RFC1: variants seen among roughly 807,000 people sequenced by gnomAD.
The protein encoded by RFC1 is replication factor C subunit 1, also known as A1 140 kDa subunit.
A neutral mutation model predicts 137.4 loss-of-function variants in RFC1; 37 were observed. The observed-to-expected ratio is 0.27, with a 90% CI of 0.21 to 0.35. The LOEUF is 0.35. Ranked by LOEUF, RFC1 falls within the 10% of genes least tolerant of loss-of-function variation. The probability of loss-of-function intolerance (pLI) is 1.00; values close to 1 mark genes in which losing one functional copy is unlikely to be tolerated. For synonymous variants in RFC1, 429 were observed against 455.7 expected, an observed-to-expected ratio of 0.94 and a Z score of 0.75; for missense variants, 1,205 against 1,358.5, an observed-to-expected ratio of 0.89 and a Z score of 1.78.
intron 22 of RFC1, among the ~76,000 whole-genome samples, chr4:39,292,289 A>G (rs1361895441): frequency 6.6e-6 from 1 of 152,212 alleles, no homozygotes; most frequent in Non-Finnish European, 1.5e-5. Context: ...AAAATCATAT[A>G]TGAATGCTTC....
intron 3 of RFC1, among the ~76,000 whole-genome samples, chr4:39,343,715 A>C (rs1337942166): frequency 6.6e-6 from 1 of 152,214 alleles, no homozygotes; most frequent in Non-Finnish European, 1.5e-5. Context: ...AGAGCAATAA[A>C]AGGCACAGAG....
At chr4:39,295,824 T>G in intron 21 of RFC1, 65 bp from the exon 22 acceptor site, 2 of 1,478,576 alleles carry the variant, frequency 1.4e-6, no homozygotes, top group Non-Finnish European at 9.3e-7. Flanking sequence ...TTAATAGTCA[T>G]TGGCTTCCAA....
At chr4:39,333,949 G>T (rs1026914799) in intron 4 of RFC1, among the ~76,000 whole-genome samples, 4 of 152,150 alleles carry the variant, frequency 2.6e-5, no homozygotes, top group Middle Eastern at 3.4e-3. Flanking sequence ...TAAACAAAAA[G>T]TGCAAATAAG....
At chr4:39,323,124 GT>G (rs904039494) in intron 7 of RFC1, 263 of 351,246 alleles carry the variant, frequency 7.5e-4, no homozygotes, top group Non-Finnish European at 1.2e-3. Context: ...ATAATTCTTT[GT>G]TTTGTGATAA....
In RFC1 at chr4:39,308,632, T is replaced by C; in HGVS notation, c.1885+4A>G. ...CACAAAAATGAGTGAGGTTGTAAAA[T>C]CACCGTGTTTTTTATCTTCGGAAGA... On this transcript the variant is annotated splice_donor_region_variant and intron_variant, in intron 13 of 24. Coordinates refer to ENST00000349703, the MANE Select transcript of RFC1 (RefSeq NM_002913.5). 6.2e-7 allele frequency: 1 copy of C among 1,605,914 alleles called. No homozygotes were observed. Among genetic ancestry groups the C allele is most frequent in the Non-Finnish European group, 8.5e-7 (1 of 1,174,600 alleles).
intron 4 of RFC1, among the ~76,000 whole-genome samples, chr4:39,331,983 C>T (rs964100796): frequency 2.0e-5 from 3 of 152,036 alleles, no homozygotes; most frequent in African/African-American, 7.2e-5. Context: ...GCGCTGTTCT[C>T]GTGATAGTGA....
At chr4:39,299,405 C>T (rs1294909374) in intron 21 of RFC1, among the ~76,000 whole-genome samples, 2 of 151,762 alleles carry the variant, frequency 1.3e-5, no homozygotes, top group South Asian at 2.1e-4. Context: ...AGGGTCTCCC[C>T]GACTGAGCTG....
At chr4:39,303,793 T>C (rs544130318) in intron 15 of RFC1, among the ~76,000 whole-genome samples, 87 of 152,366 alleles carry the variant, frequency 5.7e-4, no homozygotes, top group African/African-American at 2.1e-3. Context: ...TCATTCTTTA[T>C]CTTACAGATA....
Position 39,302,324 on chromosome 4 carries a change from T to C in RFC1, c.2489A>G (p.Asp830Gly), listed in dbSNP as rs1234716742. ...WCARSKALTYDQAKADSHRAK... is the reference protein window; with the variant it reads ...WCARSKALTYGQAKADSHRAK... ...TCTGTGAGAATCAGCTTTGGCCTGG[T>C]CATAGGTTAATGCTTTACTTCGTGC... The change falls in exon 19 of 25, where the codon GAC (aspartate) becomes GGC (glycine). Residue 830 changes from aspartate (D) to glycine (G), a missense_variant. Around this residue, in one of 3 missense-constraint regions of RFC1, gnomAD observed 962 missense variants for 1,035.3 expected, o/e 0.93. Transcript: ENST00000349703. 1.2e-6 allele frequency: 2 copies of C among 1,613,456 alleles called. No individual in the cohort carries two copies. Among genetic ancestry groups the C allele is most frequent in the Admixed American group, 1.7e-5 (1 of 60,030 alleles).
chr4:39,365,349 G>T, intron 1 of RFC1: 7 of 464,356 alleles, frequency 1.5e-5, no homozygotes, highest in African/African-American at 2.1e-5. Context: ...GTGACACGTT[G>T]ACCAATGATT....
At chr4:39,336,579 C>T (rs1259342262) in intron 4 of RFC1, among the ~76,000 whole-genome samples, 1 of 152,264 alleles carries the variant, frequency 6.6e-6, no homozygotes, top group Non-Finnish European at 1.5e-5. Flanking sequence ...CTCCACGTTA[C>T]TGACATTTGA....
At position 39,321,409 on chromosome 4, in the gene RFC1, T is replaced by A. The variant is rs1015177316; in HGVS notation, c.721-35A>T. The A allele has an allele frequency of 2.5e-6, 4 of 1,576,082 alleles. No individual in the cohort carries two copies. The African/African-American group carries it at 5.4e-5, about 21-fold the overall frequency. On this transcript the variant is annotated intron_variant, in intron 7 of 24. Transcript: ENST00000349703. ...TTTTAAAAGTGTCAAATGTGACAAA[T>A]AATAGAAAAACTATTACCATAAAAT...
chr4:39,344,175 GA>G (rs1339682347), intron 3 of RFC1, among the ~76,000 whole-genome samples: 1 of 151,200 alleles, frequency 6.6e-6, no homozygotes, highest in Non-Finnish European at 1.5e-5. Flanking sequence ...TAATACAGCA[GA>G]TCTTGTCCAC....
At chr4:39,292,613 A>G (rs17288750) in intron 22 of RFC1, among the ~76,000 whole-genome samples, 334 of 141,570 alleles carry the variant, frequency 2.4e-3, no homozygotes, top group African/African-American at 8.2e-3. Flanking sequence ...TTATATGTAT[A>G]CATTATTTAT....
Position 39,312,904 on chromosome 4 carries a change from T to C in RFC1, c.1231A>G (p.Ile411Val), listed in dbSNP as rs374739604. Residue 411 changes from isoleucine (I) to valine (V), a missense_variant, in exon 11 of 25, where the codon ATA becomes GTA. By Grantham distance (29) the Ile-to-Val change is conservative (BLOSUM62 3). Transcript: ENST00000349703. ...TCCAGCACGCCTGTGATTACAAATA[T>C]AAGGCCTTCCAAGCAATTTTCAGCT... is the stretch of plus-strand genomic sequence containing the variant. ...KGAENCLEGL[I>V]FVITGVLESI... 34 of 1,612,790 alleles carry C rather than the reference T, an allele frequency of 2.1e-5. No homozygotes were observed. Among genetic ancestry groups the C allele is most frequent in the Non-Finnish European group, 2.9e-5 (34 of 1,179,308 alleles).
rs141575484 is a variant in RFC1 at position 39,301,697 on chromosome 4, G to A, written c.2535+581C>T. On this transcript the variant is annotated intron_variant, in intron 19 of 24. Transcript: ENST00000349703. ...CGTGGTGGCTCACACCTATAATCCC[G>A]GCACCTTGGGGGCCACAGCAGGAGG... Among the ~76,000 whole-genome samples the A allele has an allele frequency of 5.4e-3, 816 of 152,236 alleles. 4 individuals carry two copies. Among genetic ancestry groups the A allele is most frequent in the African/African-American group, 0.019 (781 of 41,528 alleles).
At chr4:39,295,876 C>G in intron 21 of RFC1, 117 bp from the exon 22 acceptor site, 1 of 857,444 alleles carries the variant, frequency 1.2e-6, no homozygotes, top group Non-Finnish European at 1.7e-6. Flanking sequence ...CAAATACCTA[C>G]CTACAGGGCA....
intron 9 of RFC1, among the ~76,000 whole-genome samples, 170 bp from the exon 10 acceptor site, chr4:39,317,192 C>T (rs1293112065): frequency 1.3e-5 from 2 of 152,162 alleles, no homozygotes; most frequent in African/African-American, 2.4e-5. Flanking sequence ...AACTGACTTA[C>T]GAACATCCCT....
At chr4:39,304,960 C>T in intron 14 of RFC1, 32 bp from the exon 15 acceptor site, 1 of 1,305,514 alleles carries the variant, frequency 7.7e-7, no homozygotes, top group South Asian at 1.2e-5. Flanking sequence ...ACTGAAGGCA[C>T]AATACAAATT....
Sources: gnomAD v4.1 joint callset for allele counts (sites outside exome capture counted in the v4.1 genomes callset) on GRCh38, gnomAD v4.1.1 for gene constraint, gnomAD v4.1.1 regional missense constraint, MANE v1.5 for transcripts, NCBI Gene and HGNC (gene_info 2026-07-23, HGNC 2026-07-21) for gene names.